The following AGMO variants were observed in gnomAD, a reference collection of about 807,000 sequenced individuals.
The protein encoded by AGMO is alkylglycerol monooxygenase.
A neutral mutation model predicts 60.2 loss-of-function variants in AGMO; 75 were observed. That is an observed-to-expected ratio of 1.25 (90% CI 1.03 to 1.51). AGMO has a LOEUF of 1.51. Among genes scored for constraint, AGMO ranks in the 40% most tolerant of loss-of-function variants. The pLI, the probability that AGMO is intolerant of heterozygous loss-of-function variation, is 0.00. For synonymous variants in AGMO, 261 were observed against 177.1 expected, an observed-to-expected ratio of 1.47 and a Z score of -3.76; for missense variants, 763 against 525.5, an observed-to-expected ratio of 1.45 and a Z score of -4.42.
intron 2 of AGMO, among the ~76,000 whole-genome samples, chr7:15,559,715 C>T (rs886144932): frequency 2.0e-5 from 3 of 151,938 alleles, no homozygotes; most frequent in East Asian, 3.9e-4. Flanking sequence ...TGGCTGCAAA[C>T]GGGGTTGTAC....
intron 12 of AGMO, among the ~76,000 whole-genome samples, chr7:15,334,523 C>A (rs1275299380): frequency 1.3e-5 from 2 of 152,038 alleles, no homozygotes; most frequent in African/African-American, 4.8e-5. Context: ...TAGATTATTT[C>A]TTCATCAGAA....
At chr7:15,376,344 T>A (rs902020157) in intron 10 of AGMO, among the ~76,000 whole-genome samples, 7 of 151,876 alleles carry the variant, frequency 4.6e-5, no homozygotes, top group Non-Finnish European at 8.8e-5. Flanking sequence ...CAGGTGGCAC[T>A]CTCTGCTGTA....
intron 3 of AGMO, among the ~76,000 whole-genome samples, chr7:15,528,899 C>T (rs1384829741): frequency 1.3e-5 from 2 of 152,112 alleles, no homozygotes; most frequent in East Asian, 3.9e-4. Flanking sequence ...CCGCTTGCCT[C>T]AGCCTCCCAA....
Position 15,248,179 on chromosome 7 carries a change from CATATATATATATATATATATATAT to C in AGMO, c.1264-46844_1264-46821del, listed in dbSNP as rs71549925. On this transcript the variant is annotated intron_variant, in intron 12 of 12. Transcript: ENST00000342526. Reference sequence around the variant, plus strand: ...TGTCACAAAATCTGTGATCCAGCACCATATATATATATATATATATATATATATATATATATATATATATATCTT... The same window carrying C: ...TGTCACAAAATCTGTGATCCAGCACCATATATATATATATATATATATCTT... Among the ~76,000 whole-genome samples the C allele has an allele frequency of 4.2e-3, 138 of 32,658 alleles. 14 individuals are homozygous for C. The highest frequency in any genetic ancestry group is 0.01 in the East Asian group (4 of 400). 21.4% of individuals were successfully genotyped at this position (32,658 alleles called of 152,430 possible).
chr7:15,327,221 C>T (rs1781366869), intron 12 of AGMO, among the ~76,000 whole-genome samples: 1 of 152,112 alleles, frequency 6.6e-6, no homozygotes, highest in Admixed American at 6.6e-5. Context: ...TCATCTACTA[C>T]ACCTCTATTT....
intron 12 of AGMO, among the ~76,000 whole-genome samples, chr7:15,309,279 A>AT (rs1196267796): frequency 6.6e-6 from 1 of 151,958 alleles, no homozygotes; most frequent in East Asian, 1.9e-4. Flanking sequence ...TAGGGCCAAC[A>AT]TTTTTTTTCC....
chr7:15,313,780 T>G (rs1315266973), intron 12 of AGMO, among the ~76,000 whole-genome samples: 1 of 152,076 alleles, frequency 6.6e-6, no homozygotes. Context: ...AAAGTTTAAT[T>G]TATAGACATA....
At chr7:15,516,149 C>T (rs1355492900) in intron 3 of AGMO, among the ~76,000 whole-genome samples, 2 of 151,516 alleles carry the variant, frequency 1.3e-5, no homozygotes, top group Non-Finnish European at 2.9e-5. Flanking sequence ...AAATTTTAAT[C>T]AATTAAAAAT....
intron 12 of AGMO, among the ~76,000 whole-genome samples, chr7:15,245,007 G>A (rs1350039670): frequency 6.6e-6 from 1 of 151,974 alleles, no homozygotes; most frequent in Non-Finnish European, 1.5e-5. Flanking sequence ...TAGTATCTTG[G>A]AAAAAATACA....
At chr7:15,348,721 T>C (rs375549932) in intron 12 of AGMO, among the ~76,000 whole-genome samples, 1 of 152,064 alleles carries the variant, frequency 6.6e-6, no homozygotes, top group African/African-American at 2.4e-5. Context: ...GGTTTTTCTA[T>C]GGAATAATGG....
rs555797828 is a variant in AGMO, at chr7:15,519,311, A to C, written c.409+25461T>G. ...AAATTCAGGAAATACAGAGAACACC[A>C]CAAAGATTAGCCTTGAGAAGAGCAA... On this transcript the variant is annotated intron_variant, in intron 3 of 12. Transcript: ENST00000342526. 4.6e-5 allele frequency among the ~76,000 whole-genome samples: 7 copies of C among 151,974 alleles called. No individual in the cohort carries two copies. The East Asian group carries it at 1.4e-3, about 29-fold the overall frequency.
chr7:15,474,685 A>G (rs1782545963), intron 3 of AGMO, among the ~76,000 whole-genome samples: 1 of 152,206 alleles, frequency 6.6e-6, no homozygotes, highest in African/African-American at 2.4e-5. Context: ...ACAAAAGCCA[A>G]AATTGACAAG....
chr7:15,354,349 TATATA>T, intron 12 of AGMO, among the ~76,000 whole-genome samples: 5 of 96,836 alleles, frequency 5.2e-5, no homozygotes, highest in African/African-American at 1.9e-4. Flanking sequence ...TACACGCGTG[TATATA>T]GACGTGTGTA....
chr7:15,363,504 G>T (rs1782846018), intron 12 of AGMO, among the ~76,000 whole-genome samples: 1 of 152,284 alleles, frequency 6.6e-6, no homozygotes, highest in East Asian at 1.9e-4. Context: ...TAGGTAAGTG[G>T]TGAAGTAATT....
rs754833317 is a variant in AGMO at position 15,387,452 on chromosome 7, C to T, written c.911G>A (p.Trp304Ter). The T allele has an allele frequency of 7.4e-6, 12 of 1,614,026 alleles. No homozygotes were observed. Among genetic ancestry groups the T allele is most frequent in the Non-Finnish European group, 1.0e-5 (12 of 1,179,918 alleles). The change falls in exon 9 of 13, where the codon TGG becomes TAG. Residue 304 changes from tryptophan to a stop codon, truncating the protein, a stop_gained. Coordinates refer to ENST00000342526, the MANE Select transcript of AGMO (RefSeq NM_001004320.2). LOFTEE classifies it high-confidence loss of function. ...ACCAAGTCTTGGTTTACCTGGACCCCATCCCGGTCCCTTAAATATGACAGA... is the reference window on the plus strand; with the variant it reads ...ACCAAGTCTTGGTTTACCTGGACCCTATCCCGGTCCCTTAAATATGACAGA... Reference protein sequence around the residue: ...KFSVIFKGPGWGPGKPRLGLS... With the variant: ...KFSVIFKGPG
Position 15,281,713 on chromosome 7 carries a change from C to T in AGMO, c.1264-80354G>A, listed in dbSNP as rs551242823. 1.2e-4 allele frequency among the ~76,000 whole-genome samples: 18 copies of T among 152,302 alleles called. No homozygotes were observed. The East Asian group carries it at 2.9e-3, about 25-fold the overall frequency. ...CATTGATGGACACCTGCTTTTGCCA[C>T]ACCAGTCTCTACCCAGGGACACCAC... On this transcript the variant is annotated intron_variant, in intron 12 of 12. Transcript: ENST00000342526.
At chr7:15,521,011 G>T (rs953246783) in intron 3 of AGMO, among the ~76,000 whole-genome samples, 3 of 152,024 alleles carry the variant, frequency 2.0e-5, no homozygotes, top group Admixed American at 6.6e-5. Context: ...TGATAAAGGG[G>T]TTATCACCAC....
intron 3 of AGMO, among the ~76,000 whole-genome samples, chr7:15,500,563 A>G (rs1463474970): frequency 2.0e-5 from 3 of 151,952 alleles, no homozygotes; most frequent in Admixed American, 2.0e-4. Flanking sequence ...ATAGCACAAG[A>G]AACTCCCATA....
chr7:15,546,787 C>A (rs575348951), intron 2 of AGMO, among the ~76,000 whole-genome samples: 1 of 152,320 alleles, frequency 6.6e-6, no homozygotes, highest in African/African-American at 2.4e-5. Flanking sequence ...GCGGTGAGAA[C>A]AAATTCTACT....
Sources: allele counts gnomAD v4.1 joint callset (sites outside exome capture counted in the v4.1 genomes callset), GRCh38; gene constraint gnomAD v4.1.1; transcripts MANE v1.5; gene names NCBI Gene and HGNC (gene_info 2026-07-23, HGNC 2026-07-21).